RYR2: variants seen among roughly 807,000 people sequenced by gnomAD.
RYR2 encodes the protein ryanodine receptor 2.
In RYR2, 227 loss-of-function variants were observed where a neutral mutation model predicts 601.1. That is an observed-to-expected ratio of 0.38 (90% CI 0.34 to 0.42). The LOEUF is 0.42. Among genes scored for constraint, RYR2 ranks in the 10% least tolerant of loss-of-function variants. The pLI is 1.00. For synonymous variants in RYR2, 2,223 were observed against 2,175.1 expected (o/e 1.02, Z -0.61); for missense variants, 4,646 against 6,156.5 (o/e 0.75, Z 8.21).
chr1:237,330,515 G>C (rs915179264), intron 2 of RYR2, among the ~76,000 whole-genome samples: 1 of 152,194 alleles, frequency 6.6e-6, no homozygotes, highest in Non-Finnish European at 1.5e-5. Context: ...AGCCTCCTGA[G>C]TAGCTGGGAT....
At chr1:237,807,103 C>G (rs1660713180) in intron 99 of RYR2, among the ~76,000 whole-genome samples, 1 of 152,122 alleles carries the variant, frequency 6.6e-6, no homozygotes, top group South Asian at 2.1e-4. Flanking sequence ...CATCAGTTTT[C>G]TAAATTTCAG....
intron 29 of RYR2, among the ~76,000 whole-genome samples, chr1:237,581,567 C>A (rs1673920584): frequency 6.6e-6 from 1 of 152,056 alleles, no homozygotes; most frequent in African/African-American, 2.4e-5. Context: ...TATAGAACTA[C>A]TAGTTTGTTC....
chr1:237,546,742 A>G (rs1164543386), intron 25 of RYR2, among the ~76,000 whole-genome samples: 1 of 151,938 alleles, frequency 6.6e-6, no homozygotes, highest in African/African-American at 2.4e-5. Flanking sequence ...AACTAAGCTA[A>G]AGCCATCTGT....
chr1:237,564,690 T>C (rs1381899821), intron 27 of RYR2, among the ~76,000 whole-genome samples: 1 of 152,236 alleles, frequency 6.6e-6, no homozygotes, highest in African/African-American at 2.4e-5. Flanking sequence ...TACCAAGTAA[T>C]AGGCATGAGA....
At chr1:237,716,475 A>G (rs1416797838) in intron 71 of RYR2, among the ~76,000 whole-genome samples, 2 of 152,192 alleles carry the variant, frequency 1.3e-5, no homozygotes, top group African/African-American at 2.4e-5. Flanking sequence ...AGAACATGCC[A>G]TCTTGATAGA....
At chr1:237,609,501 T>A (rs1486947391) in intron 35 of RYR2, among the ~76,000 whole-genome samples, 1 of 151,970 alleles carries the variant, frequency 6.6e-6, no homozygotes, top group East Asian at 1.9e-4. Context: ...TCCTGAGTAT[T>A]TGGGACTACA....
chr1:237,586,475 A>C (rs1031580575), intron 29 of RYR2, among the ~76,000 whole-genome samples: 3 of 152,220 alleles, frequency 2.0e-5, no homozygotes, highest in Non-Finnish European at 4.4e-5. Context: ...ATTAAAGCTT[A>C]GAGAATTTAA....
At chr1:237,430,119 C>T (rs1558804336) in intron 12 of RYR2, among the ~76,000 whole-genome samples, 1 of 149,422 alleles carries the variant, frequency 6.7e-6, no homozygotes, top group Non-Finnish European at 1.5e-5. Context: ...ACATATATAA[C>T]ATTCATATAT....
At chr1:237,829,410 G>A (rs954864770) in intron 102 of RYR2, among the ~76,000 whole-genome samples, 4 of 152,150 alleles carry the variant, frequency 2.6e-5, no homozygotes, top group Admixed American at 1.3e-4. Context: ...CTCAGCGAGG[G>A]ACTTGGTGAC....
intron 1 of RYR2, among the ~76,000 whole-genome samples, chr1:237,208,951 T>C (rs1224575691): frequency 4.4e-5 from 3 of 68,588 alleles, no homozygotes; most frequent in Non-Finnish European, 9.4e-5. Flanking sequence ...TATATATATA[T>C]ATATATATAT....
rs573971935 is a variant in RYR2, at chr1:237,362,085, A to G, written c.295-2273A>G. Among the ~76,000 whole-genome samples, 10 of 152,294 alleles carry G rather than the reference A, an allele frequency of 6.6e-5. No individual in the cohort carries two copies. In the East Asian group the frequency reaches 9.7e-4, roughly 15 times the overall value. Reference sequence around the variant, plus strand: ...TTCCTGGCTTCCATGTTAATGTGGCATGTGCCCCCAGGTTTTGCTTGTATT... The same window carrying G: ...TTCCTGGCTTCCATGTTAATGTGGCGTGTGCCCCCAGGTTTTGCTTGTATT... On this transcript the variant is annotated intron_variant, in intron 4 of 104. Coordinates refer to ENST00000366574, the MANE Select transcript of RYR2 (RefSeq NM_001035.3).
In RYR2 at chr1:237,571,884, G is replaced by A. The variant is rs1461608168; in HGVS notation, c.3598+2565G>A. Among the ~76,000 whole-genome samples, 3 of 152,050 alleles carry A rather than the reference G, an allele frequency of 2.0e-5. No homozygotes were observed. In the East Asian group the frequency reaches 5.8e-4, roughly 29 times the overall value. ...AGAAGTTTTGATACAGGCATGCAAT[G>A]GGTAGTAATTGCATCATGGAAAATG... is the stretch of plus-strand genomic sequence containing the variant. On this transcript the variant is annotated intron_variant, in intron 29 of 104. Transcript: ENST00000366574.
intron 2 of RYR2, among the ~76,000 whole-genome samples, chr1:237,311,190 G>C: frequency 6.6e-6 from 1 of 152,094 alleles, no homozygotes; most frequent in African/African-American, 2.4e-5. Context: ...AATTATACTG[G>C]TTATGTAAAC....
intron 62 of RYR2, among the ~76,000 whole-genome samples, chr1:237,684,949 T>C (rs903410565): frequency 1.4e-5 from 2 of 146,800 alleles, no homozygotes; most frequent in Admixed American, 6.8e-5. Flanking sequence ...AAAAAAATAC[T>C]GTAAACAAAA....
chr1:237,051,543 C>T (rs1661285396), intron 1 of RYR2, among the ~76,000 whole-genome samples: 2 of 152,002 alleles, frequency 1.3e-5, no homozygotes. Flanking sequence ...AGGAGTTCCT[C>T]TGATCTTAAA....
chr1:237,758,699 A>T (rs1004774018), intron 82 of RYR2, among the ~76,000 whole-genome samples: 4 of 152,242 alleles, frequency 2.6e-5, no homozygotes, highest in Admixed American at 1.3e-4. Context: ...CAGCATTGAT[A>T]ACAGGAATTG....
At chr1:237,310,147 C>T (rs761945932) in intron 2 of RYR2, among the ~76,000 whole-genome samples, 17 of 152,168 alleles carry the variant, frequency 1.1e-4, no homozygotes, top group Non-Finnish European at 1.9e-4. Flanking sequence ...GCGAGGGCTG[C>T]CAGCACGCTG....
At chr1:237,782,148 T>A (rs1335832625) in intron 89 of RYR2, among the ~76,000 whole-genome samples, 1 of 151,528 alleles carries the variant, frequency 6.6e-6, no homozygotes, top group East Asian at 1.9e-4. Context: ...ATTTTCTCTT[T>A]TTTTTTCTTC....
chr1:237,311,753 A>G (rs970197259), intron 2 of RYR2, among the ~76,000 whole-genome samples: 5 of 152,130 alleles, frequency 3.3e-5, no homozygotes, highest in African/African-American at 1.2e-4. Context: ...TGTTGGGATT[A>G]CAGGCGCGAA....
Sources: gnomAD v4.1 joint callset for allele counts (sites outside exome capture counted in the v4.1 genomes callset) on GRCh38, gnomAD v4.1.1 for gene constraint, MANE v1.5 for transcripts, NCBI Gene and HGNC (gene_info 2026-07-23, HGNC 2026-07-21) for gene names.